Variants in TDRP observed in about 807,000 individuals in gnomAD.
TDRP encodes testis development related protein.
Under a neutral mutation model 10.5 loss-of-function variants are expected in TDRP, and 12 were observed. That is an observed-to-expected ratio of 1.15 (90% confidence interval 0.73 to 1.86). TDRP has a LOEUF of 1.86. Ranked by LOEUF, TDRP falls within the 40% of genes most tolerant of loss-of-function variation. TDRP has a pLI of 0.00. For synonymous variants in TDRP, 139 were observed against 95.4 expected (o/e 1.46, Z -2.67); for missense variants, 353 against 229.2 (o/e 1.54, Z -3.49).
chr8:498,986 T>A (rs62484365), intron 1 of TDRP, among the ~76,000 whole-genome samples: 15,504 of 152,188 alleles, frequency 0.1, 904 homozygotes, highest in African/African-American at 0.17. Flanking sequence ...CACATGGAAC[T>A]GTGAGTCAAT....
intron 2 of TDRP, among the ~76,000 whole-genome samples, chr8:493,389 G>A (rs1001256244): frequency 9.2e-5 from 14 of 152,188 alleles, no homozygotes; most frequent in Non-Finnish European, 1.8e-4. Context: ...CCAGGGAACC[G>A]GTTTACCCAT....
intron 2 of TDRP, among the ~76,000 whole-genome samples, chr8:493,010 C>T (rs1801024050): frequency 6.6e-6 from 1 of 152,132 alleles, no homozygotes; most frequent in Non-Finnish European, 1.5e-5. Context: ...AGTATTATCA[C>T]ACAAGAGAGA....
intron 1 of TDRP, among the ~76,000 whole-genome samples, chr8:496,583 G>C (rs745993390): frequency 6.6e-6 from 1 of 152,160 alleles, no homozygotes; most frequent in Non-Finnish European, 1.5e-5. Context: ...TCCCAGGCCT[G>C]CTGTGTCCCA....
At chr8:526,457 T>G (rs1802037626) in intron 1 of TDRP, among the ~76,000 whole-genome samples, 1 of 152,216 alleles carries the variant, frequency 6.6e-6, no homozygotes, top group African/African-American at 2.4e-5. Flanking sequence ...TTTTTCAGCA[T>G]CAATCGAAAT....
chr8:531,349 A>G (rs1406501429), intron 1 of TDRP, among the ~76,000 whole-genome samples: 1 of 152,202 alleles, frequency 6.6e-6, no homozygotes, highest in African/African-American at 2.4e-5. Context: ...TTGTGCTGAC[A>G]TCAGACATTT....
rs17065047 is a variant in TDRP, at chr8:496,315, A to G, written c.109-1718T>C. ...ATGACAGAGCATGTGGCAGGATCCTATCAAGAAGTCTCAATTAAGAACATA... is the reference window on the plus strand; with the variant it reads ...ATGACAGAGCATGTGGCAGGATCCTGTCAAGAAGTCTCAATTAAGAACATA... On this transcript the variant is annotated intron_variant, in intron 1 of 2. Transcript: ENST00000324079. Among the ~76,000 whole-genome samples, 594 of 152,350 alleles carry G rather than the reference A, an allele frequency of 3.9e-3. 2 individuals are homozygous for G. Among genetic ancestry groups the G allele is most frequent in the African/African-American group, 0.013 (555 of 41,570 alleles).
intron 1 of TDRP, among the ~76,000 whole-genome samples, chr8:535,077 T>A (rs1053282193): frequency 6.6e-6 from 1 of 152,234 alleles, no homozygotes; most frequent in East Asian, 1.9e-4. Context: ...ATTTAGTCTA[T>A]AACATTTTTG....
chr8:520,909 CCTTT>C (rs1282130337), intron 1 of TDRP, among the ~76,000 whole-genome samples: 1 of 151,950 alleles, frequency 6.6e-6, no homozygotes, highest in Non-Finnish European at 1.5e-5. Flanking sequence ...TTTCTTGTTT[CCTTT>C]GTTACATGTA....
At chr8:498,111 C>T (rs1801183934) in intron 1 of TDRP, among the ~76,000 whole-genome samples, 1 of 152,204 alleles carries the variant, frequency 6.6e-6, no homozygotes, top group Admixed American at 6.5e-5. Flanking sequence ...GCAACCCCCA[C>T]ACCAAGTCCC....
intron 1 of TDRP, among the ~76,000 whole-genome samples, chr8:535,697 C>T (rs1409391831): frequency 6.6e-6 from 1 of 151,100 alleles, no homozygotes; most frequent in Admixed American, 6.6e-5. Context: ...GGGCCTCCCA[C>T]CATATGGACA....
At chr8:505,241 T>A (rs1171595399) in intron 1 of TDRP, among the ~76,000 whole-genome samples, 1 of 152,188 alleles carries the variant, frequency 6.6e-6, no homozygotes, top group African/African-American at 2.4e-5. Context: ...GCAGGTTTGT[T>A]AAGAACTGAA....
intron 2 of TDRP, 116 bp downstream of exon 2, chr8:494,378 C>T (rs183975578): frequency 1.6e-5 from 15 of 939,816 alleles, no homozygotes; most frequent in South Asian, 9.5e-5. Flanking sequence ...GGACTCGCCG[C>T]GCCCCACAAT....
chr8:544,205 G>C (rs1411659399), intron 1 of TDRP, among the ~76,000 whole-genome samples: 2 of 152,236 alleles, frequency 1.3e-5, no homozygotes, highest in Non-Finnish European at 2.9e-5. Context: ...CCGGATGCGC[G>C]ATGATTCAGG....
At chr8:532,841 G>T (rs557743218) in intron 1 of TDRP, among the ~76,000 whole-genome samples, 129 of 152,098 alleles carry the variant, frequency 8.5e-4, no homozygotes, top group African/African-American at 2.9e-3. Flanking sequence ...ACCCAGCCAC[G>T]ATCGTTCATT....
chr8:524,264 G>A (rs532772822), intron 1 of TDRP, among the ~76,000 whole-genome samples: 6 of 152,242 alleles, frequency 3.9e-5, no homozygotes, highest in East Asian at 3.9e-4. Context: ...ATACAGTGAC[G>A]AAAAACTTAG....
intron 1 of TDRP, among the ~76,000 whole-genome samples, chr8:518,805 G>GA (rs1005940678): frequency 2.0e-5 from 3 of 151,780 alleles, no homozygotes; most frequent in African/African-American, 7.3e-5. Flanking sequence ...TATCTTAATA[G>GA]AAAGTCTAAT....
intron 1 of TDRP, among the ~76,000 whole-genome samples, chr8:497,120 G>A (rs1036357236): frequency 5.3e-5 from 8 of 152,198 alleles, no homozygotes; most frequent in African/African-American, 1.2e-4. Context: ...ACCTGAAAAC[G>A]TGGAAGTGTC....
intron 2 of TDRP, among the ~76,000 whole-genome samples, chr8:493,716 A>C (rs1177473338): frequency 6.6e-6 from 1 of 152,138 alleles, no homozygotes; most frequent in Non-Finnish European, 1.5e-5. Flanking sequence ...AATTCTCTAA[A>C]ATCTTTTACA....
intron 1 of TDRP, among the ~76,000 whole-genome samples, chr8:523,340 T>C (rs1368967384): frequency 2.0e-5 from 3 of 152,146 alleles, no homozygotes; most frequent in African/African-American, 7.2e-5. Context: ...GGAATGGAGG[T>C]GGAGTAAGAT....
Sources: gnomAD v4.1 joint callset for allele counts (sites outside exome capture counted in the v4.1 genomes callset) on GRCh38, gnomAD v4.1.1 for gene constraint, MANE v1.5 for transcripts, NCBI Gene and HGNC (gene_info 2026-07-23, HGNC 2026-07-21) for gene names.